TAS2R1: variants seen among roughly 807,000 people sequenced by gnomAD.
TAS2R1 encodes the protein taste 2 receptor member 1.
For synonymous variants in TAS2R1, 141 were observed against 134.2 expected, an observed-to-expected ratio of 1.05 and a Z score of -0.35; for missense variants, 370 against 353.4, an observed-to-expected ratio of 1.05 and a Z score of -0.38.
At chr5:9,723,495 A>G in the TAS2R1 span, among the ~76,000 whole-genome samples, 1 of 152,148 alleles carries the variant, frequency 6.6e-6, no homozygotes, top group Non-Finnish European at 1.5e-5. Flanking sequence ...CCTGTTCCCC[A>G]TGACTGGCCA....
At chr5:9,827,864 C>T in the TAS2R1 span, among the ~76,000 whole-genome samples, 3 of 152,292 alleles carry the variant, frequency 2.0e-5, no homozygotes, top group South Asian at 4.1e-4. Context: ...CTTATTATCA[C>T]AATAAAATCC....
At chr5:9,652,238 T>G (rs1475881508) in intron 2 of TAS2R1, among the ~76,000 whole-genome samples, 1 of 152,158 alleles carries the variant, frequency 6.6e-6, no homozygotes, top group Non-Finnish European at 1.5e-5. Context: ...CCAAATACGC[T>G]CTTAGTGGGA....
At chr5:9,679,123 T>C (rs567390591) in intron 1 of TAS2R1, among the ~76,000 whole-genome samples, 1 of 152,172 alleles carries the variant, frequency 6.6e-6, no homozygotes, top group South Asian at 2.1e-4. Context: ...CTACATCGTG[T>C]ATGATTCCAA....
At chr5:9,744,021 C>T in the TAS2R1 span, among the ~76,000 whole-genome samples, 1 of 152,098 alleles carries the variant, frequency 6.6e-6, no homozygotes, top group Non-Finnish European at 1.5e-5. Flanking sequence ...TATCCGATCA[C>T]TCATGTTTGG....
chr5:9,797,380 C>T, the TAS2R1 span, among the ~76,000 whole-genome samples: 1 of 152,246 alleles, frequency 6.6e-6, no homozygotes, highest in Admixed American at 6.5e-5. Flanking sequence ...TGCTTTATAG[C>T]ATGTGGGGTA....
chr5:9,683,578 GA>G (rs1393953123), intron 1 of TAS2R1, among the ~76,000 whole-genome samples: 3 of 152,190 alleles, frequency 2.0e-5, no homozygotes, highest in African/African-American at 7.2e-5. Context: ...CAGAGGATGG[GA>G]AACACTTAGC....
At chr5:9,757,678 A>G in the TAS2R1 span, among the ~76,000 whole-genome samples, 1 of 152,328 alleles carries the variant, frequency 6.6e-6, no homozygotes, top group East Asian at 1.9e-4. Flanking sequence ...TTACCCATTA[A>G]TTAGCTTAAA....
the TAS2R1 span, among the ~76,000 whole-genome samples, chr5:9,821,345 G>A: frequency 1.3e-5 from 2 of 152,182 alleles, no homozygotes; most frequent in African/African-American, 4.8e-5. Flanking sequence ...GCACGGGACA[G>A]GAACAGGTAT....
chr5:9,887,216 T>C, the TAS2R1 span, among the ~76,000 whole-genome samples: 1 of 152,232 alleles, frequency 6.6e-6, no homozygotes, highest in Non-Finnish European at 1.5e-5. Flanking sequence ...AATAATCATA[T>C]GCAGTTATTA....
chr5:9,824,898 A>G, the TAS2R1 span, among the ~76,000 whole-genome samples: 1 of 151,590 alleles, frequency 6.6e-6, no homozygotes, highest in East Asian at 1.9e-4. Flanking sequence ...AGGAAAGGAG[A>G]CACAAGGTAT....
chr5:9,767,939 A>C, the TAS2R1 span, among the ~76,000 whole-genome samples: 3 of 151,384 alleles, frequency 2.0e-5, no homozygotes, highest in African/African-American at 7.3e-5. Context: ...AAAAAAAAAA[A>C]AAAGCCAGAT....
chr5:9,650,299 C>G (rs1740275970), intron 2 of TAS2R1, among the ~76,000 whole-genome samples: 2 of 151,104 alleles, frequency 1.3e-5, no homozygotes, highest in African/African-American at 4.9e-5. Context: ...TTTTTTTTTC[C>G]TAAACCAGCC....
chr5:9,650,113 T>C (rs1440556982), intron 2 of TAS2R1, among the ~76,000 whole-genome samples: 3 of 152,154 alleles, frequency 2.0e-5, no homozygotes, highest in African/African-American at 7.2e-5. Flanking sequence ...CCAAAAACTT[T>C]TAGAGACAAT....
At chr5:9,647,364 C>A (rs1256440288) in intron 2 of TAS2R1, among the ~76,000 whole-genome samples, 1 of 152,164 alleles carries the variant, frequency 6.6e-6, no homozygotes, top group African/African-American at 2.4e-5. Flanking sequence ...CATAGTCCAA[C>A]TCAGTGGGTG....
chr5:9,762,030 T>C, the TAS2R1 span, among the ~76,000 whole-genome samples: 1 of 152,138 alleles, frequency 6.6e-6, no homozygotes, highest in East Asian at 1.9e-4. Flanking sequence ...ATCACTTCCT[T>C]GTCACTTCAG....
At position 9,655,654 on chromosome 5, in the gene TAS2R1, A is replaced by T. The variant is rs538741168; in HGVS notation, c.-81+3767T>A. ...ATATATCTCTAATGTAAAAGGGTTT[A>T]TAGAAATAGGTAGAAAATACTGTAT... On this transcript the variant is annotated intron_variant, in intron 2 of 2. Coordinates refer to the TAS2R1 transcript ENST00000506620. 2.0e-5 allele frequency among the ~76,000 whole-genome samples: 3 copies of T among 152,260 alleles called. No individual in the cohort carries two copies. The South Asian group carries it at 6.2e-4, about 32-fold the overall frequency.
the TAS2R1 span, among the ~76,000 whole-genome samples, chr5:9,833,228 A>C: frequency 6.6e-6 from 1 of 152,202 alleles, no homozygotes; most frequent in Non-Finnish European, 1.5e-5. Flanking sequence ...TTTGTCCGTA[A>C]GGAATTTTCT....
chr5:9,874,586 A>G, the TAS2R1 span, among the ~76,000 whole-genome samples: 1 of 152,196 alleles, frequency 6.6e-6, no homozygotes, highest in Admixed American at 6.5e-5. Flanking sequence ...AGGTGGCAAG[A>G]CATTGCTGCC....
chr5:9,691,849 C>T (rs1417697849), intron 1 of TAS2R1, among the ~76,000 whole-genome samples: 1 of 152,158 alleles, frequency 6.6e-6, no homozygotes, highest in Non-Finnish European at 1.5e-5. Flanking sequence ...CCCTAGAGTC[C>T]TTGTCCCTTA....
Sources: gnomAD v4.1 joint callset for allele counts (sites outside exome capture counted in the v4.1 genomes callset) on GRCh38, gnomAD v4.1.1 for gene constraint, MANE v1.5 for transcripts, NCBI Gene and HGNC (gene_info 2026-07-23, HGNC 2026-07-21) for gene names.